Variants in SLC4A10 observed in about 807,000 individuals in gnomAD.
The protein encoded by SLC4A10 is sodium-driven chloride bicarbonate exchanger.
In SLC4A10, 42 loss-of-function variants were observed where a neutral mutation model predicts 137.7. The ratio of observed to expected loss-of-function variants is 0.30; its 90% CI spans 0.24 to 0.39. The LOEUF is 0.39. Ranked by LOEUF, SLC4A10 falls within the 10% of genes least tolerant of loss-of-function variation. The pLI, the probability that SLC4A10 is intolerant of heterozygous loss-of-function variation, is 1.00. For missense variants in SLC4A10, 925 were observed against 1,355.0 expected, an observed-to-expected ratio of 0.68 and a Z score of 4.98; for synonymous variants, 474 against 464.1, an observed-to-expected ratio of 1.02 and a Z score of -0.27.
At chr2:161,896,549 G>C (rs1201872851) in intron 11 of SLC4A10, among the ~76,000 whole-genome samples, 1 of 151,720 alleles carries the variant, frequency 6.6e-6, no homozygotes, top group Non-Finnish European at 1.5e-5. Flanking sequence ...ATCCATGAGA[G>C]AATAAAATAC....
chr2:161,895,317 G>A (rs2063353352), intron 11 of SLC4A10, among the ~76,000 whole-genome samples: 1 of 152,012 alleles, frequency 6.6e-6, no homozygotes, highest in Non-Finnish European at 1.5e-5. Context: ...TATCATTGTT[G>A]GACATTTGGG....
chr2:161,701,262 G>A (rs185737999), intron 1 of SLC4A10, among the ~76,000 whole-genome samples: 1 of 152,026 alleles, frequency 6.6e-6, no homozygotes, highest in East Asian at 1.9e-4. Flanking sequence ...TTTCTTTTAG[G>A]TGTTTTTTGC....
intron 11 of SLC4A10, among the ~76,000 whole-genome samples, chr2:161,897,056 A>G (rs2063580173): frequency 6.6e-6 from 1 of 152,080 alleles, no homozygotes; most frequent in Non-Finnish European, 1.5e-5. Context: ...TGCTAATCAC[A>G]GGAAATATTG....
rs952216344 is a variant in SLC4A10 at position 161,660,824 on chromosome 2, T to C, written c.48+36258T>C. On this transcript the variant is annotated intron_variant, in intron 1 of 26. Coordinates refer to ENST00000446997, the MANE Select transcript of SLC4A10 (RefSeq NM_001178015.2). ...GCCCACCACCACACCCAGCTAATTT[T>C]TTTTTTATTTTTATTTTTAGTAGGG... Among the ~76,000 whole-genome samples, 4 of 151,376 alleles carry C rather than the reference T, an allele frequency of 2.6e-5. No homozygotes were observed. The East Asian group carries it at 7.8e-4, about 30-fold the overall frequency.
chr2:161,884,509 G>A (rs2062067616), intron 10 of SLC4A10, among the ~76,000 whole-genome samples: 1 of 152,198 alleles, frequency 6.6e-6, no homozygotes, highest in Admixed American at 6.5e-5. Context: ...TGAGAACAGA[G>A]AAGGGGCTTC....
chr2:161,670,360 A>G (rs1341107982), intron 1 of SLC4A10, among the ~76,000 whole-genome samples: 10 of 149,338 alleles, frequency 6.7e-5, no homozygotes, highest in Non-Finnish European at 1.3e-4. Context: ...GGCATTGGAT[A>G]TAAGGGGAGG....
At chr2:161,725,908 C>T (rs1317291999) in intron 1 of SLC4A10, among the ~76,000 whole-genome samples, 1 of 152,176 alleles carries the variant, frequency 6.6e-6, no homozygotes, top group Admixed American at 6.5e-5. Flanking sequence ...AAACCTACTT[C>T]TGGCATAATA....
chr2:161,728,367 G>C (rs1211758228), intron 1 of SLC4A10, among the ~76,000 whole-genome samples: 11 of 152,124 alleles, frequency 7.2e-5, no homozygotes, highest in Non-Finnish European at 1.5e-5. Context: ...CTGAGGTCAG[G>C]AGTTCAAGAC....
In SLC4A10 at chr2:161,882,434, T is replaced by C; in HGVS notation, c.1184T>C (p.Met395Thr). The C allele has an allele frequency of 6.3e-7, 1 of 1,590,506 alleles. No homozygotes were observed. The highest frequency in any genetic ancestry group is 8.6e-7 in the Non-Finnish European group (1 of 1,167,414). ...ATTGGCAGATCAATTGCAACCCTAA[T>C]GACAGATGAGGTATTTATTCAAGTT... The part of the protein sequence containing the change: ...HEIGRSIATL[M>T]TDEVFHDVAY... The change falls in exon 10 of 27, where the codon ATG becomes ACG. Residue 395 changes from methionine (M) to threonine (T), a missense_variant. Met to Thr is a moderately conservative substitution (Grantham distance 81). Around this residue, in one of 11 missense-constraint regions of SLC4A10, gnomAD observed 277 missense variants for 306.1 expected, o/e 0.90. Transcript: ENST00000446997.
chr2:161,630,848 T>C (rs951165157), intron 1 of SLC4A10, among the ~76,000 whole-genome samples: 1 of 151,774 alleles, frequency 6.6e-6, no homozygotes, highest in African/African-American at 2.4e-5. Context: ...TTGTATAAAT[T>C]ATCCAAGTTC....
intron 15 of SLC4A10, among the ~76,000 whole-genome samples, chr2:161,934,226 C>A (rs1013838109): frequency 6.6e-6 from 1 of 152,086 alleles, no homozygotes; most frequent in African/African-American, 2.4e-5. Context: ...ACTGTAGTCA[C>A]CCTGTTGTGT....
intron 1 of SLC4A10, among the ~76,000 whole-genome samples, chr2:161,700,906 A>G (rs1240560252): frequency 6.6e-6 from 1 of 152,056 alleles, no homozygotes; most frequent in East Asian, 1.9e-4. Flanking sequence ...ATTCAGTCTG[A>G]TTATTTCATA....
At chr2:161,787,884 A>G (rs1015377769) in intron 2 of SLC4A10, among the ~76,000 whole-genome samples, 56 of 152,128 alleles carry the variant, frequency 3.7e-4, no homozygotes, top group African/African-American at 1.3e-3. Flanking sequence ...TAGAATCCGT[A>G]TCTTGAATTC....
intron 1 of SLC4A10, among the ~76,000 whole-genome samples, chr2:161,749,552 T>G (rs1438997187): frequency 6.6e-6 from 1 of 151,998 alleles, no homozygotes; most frequent in Admixed American, 6.6e-5. Flanking sequence ...ATGTGATATA[T>G]CACATTGATT....
chr2:161,729,074 C>G (rs2046547562), intron 1 of SLC4A10, among the ~76,000 whole-genome samples: 1 of 151,954 alleles, frequency 6.6e-6, no homozygotes, highest in Non-Finnish European at 1.5e-5. Context: ...CCCCTCAAAA[C>G]CTACAGTTAA....
intron 1 of SLC4A10, among the ~76,000 whole-genome samples, chr2:161,734,811 G>A (rs773577401): frequency 4.6e-5 from 7 of 151,868 alleles, no homozygotes; most frequent in Middle Eastern, 3.4e-3. Flanking sequence ...GCCTCCACCC[G>A]AATCATATCT....
At chr2:161,840,463 G>A (rs1417944978) in intron 4 of SLC4A10, among the ~76,000 whole-genome samples, 1 of 152,128 alleles carries the variant, frequency 6.6e-6, no homozygotes, top group Non-Finnish European at 1.5e-5. Context: ...TTGTAATTAA[G>A]ATTTTTACAT....
chr2:161,874,610 G>A (rs546835609), intron 8 of SLC4A10, among the ~76,000 whole-genome samples: 18 of 152,182 alleles, frequency 1.2e-4, no homozygotes, highest in African/African-American at 2.2e-4. Context: ...TCACTGGCCC[G>A]TTTCATCTTT....
chr2:161,714,059 A>C (rs1045356870), intron 1 of SLC4A10, among the ~76,000 whole-genome samples: 3 of 151,928 alleles, frequency 2.0e-5, no homozygotes, highest in Non-Finnish European at 4.4e-5. Context: ...AGGGAGAGTT[A>C]AAATAAAACC....
Sources: gnomAD v4.1 joint callset for allele counts (sites outside exome capture counted in the v4.1 genomes callset) on GRCh38, gnomAD v4.1.1 for gene constraint, gnomAD v4.1.1 regional missense constraint, MANE v1.5 for transcripts, NCBI Gene and HGNC (gene_info 2026-07-23, HGNC 2026-07-21) for gene names.